NEK5: variants seen among roughly 807,000 people sequenced by gnomAD.
NEK5 encodes the protein serine/threonine-protein kinase Nek5.
A neutral mutation model predicts 109.2 loss-of-function variants in NEK5; 88 were observed. That is an observed-to-expected ratio of 0.81 (90% CI 0.68 to 0.96). The LOEUF (loss-of-function observed/expected upper bound fraction) is 0.96, where lower values mean the gene tolerates loss of function less well. Among genes scored for constraint, NEK5 ranks in the 40% least tolerant of loss-of-function variants. NEK5 has a pLI of 0.00. For synonymous variants in NEK5, 283 were observed against 299.9 expected (o/e 0.94, Z 0.58); for missense variants, 834 against 920.7 (o/e 0.91, Z 1.22).
chr13:52,055,213 A>G (rs547086497), intron 22 of NEK5, among the ~76,000 whole-genome samples: 168 of 152,360 alleles, frequency 1.1e-3, no homozygotes, highest in African/African-American at 3.7e-3. Context: ...TGGAAGATCA[A>G]ATGAATGAAA....
chr13:52,072,357 T>C (rs1192818608), intron 19 of NEK5, among the ~76,000 whole-genome samples: 2 of 152,234 alleles, frequency 1.3e-5, no homozygotes, highest in Non-Finnish European at 2.9e-5. Context: ...TCAGCTCCAT[T>C]CTACAGTGCT....
In NEK5 at chr13:52,082,141, C is replaced by A. The variant is rs925497513; in HGVS notation, c.1572+1119G>T. 2.0e-5 allele frequency: 5 copies of A among 244,826 alleles called. No individual in the cohort carries two copies. In the East Asian group the frequency reaches 7.5e-4, roughly 37 times the overall value. 15.2% of individuals were successfully genotyped at this position (244,826 alleles called of 1,614,324 possible). A position where few individuals can be genotyped will look rare whatever the true frequency, so the allele number is the denominator to read the frequency against. On this transcript the variant is annotated intron_variant, in intron 17 of 23. Coordinates refer to ENST00000684899, the MANE Select transcript of NEK5 (RefSeq NM_001365552.1). ...GACCAGCCTGGCCAACATGGTGAGA[C>A]CCTGTCTCTACTAAAATACAAAAAT...
chr13:52,063,985 C>A (rs1298521090), intron 21 of NEK5, among the ~76,000 whole-genome samples: 4 of 100,070 alleles, frequency 4.0e-5, no homozygotes, highest in South Asian at 3.4e-4. Context: ...CCACCCCGTC[C>A]GGGAGGGAGG....
chr13:52,071,221 TC>T (rs1163063532), intron 20 of NEK5, among the ~76,000 whole-genome samples: 1 of 150,718 alleles, frequency 6.6e-6, no homozygotes, highest in Admixed American at 6.6e-5. Context: ...AAGGGAGGGG[TC>T]CCAGGTTGGG....
chr13:52,072,330 T>C (rs1380725888), intron 19 of NEK5, among the ~76,000 whole-genome samples: 1 of 152,232 alleles, frequency 6.6e-6, no homozygotes, highest in Non-Finnish European at 1.5e-5. Context: ...ACTTTCTGAC[T>C]TCAATAGTAT....
chr13:52,084,760 A>AGTGTGTGTGT (rs1487694445), intron 16 of NEK5, among the ~76,000 whole-genome samples: 25 of 36,658 alleles, frequency 6.8e-4, no homozygotes, highest in African/African-American at 1.5e-3. Flanking sequence ...AGAGAGAGAG[A>AGTGTGTGTGT]GAGTGTGTGT....
Position 52,086,270 on chromosome 13 carries a change from A to G in NEK5, c.1479+7T>C. On this transcript the variant is annotated splice_region_variant and intron_variant, in intron 16 of 23. Coordinates refer to ENST00000684899, the MANE Select transcript of NEK5 (RefSeq NM_001365552.1). The stretch of plus-strand genomic sequence containing the variant: ...GAACAATGTTTCCCCTAGAAGAATG[A>G]ATTTACCTCTGGTTCTCTCCCCATC... The G allele has an allele frequency of 6.4e-7, 1 of 1,555,120 alleles. No homozygotes were observed. Among genetic ancestry groups the G allele is most frequent in the Non-Finnish European group, 8.9e-7 (1 of 1,126,258 alleles).
In NEK5 at chr13:52,093,110, A is replaced by G. The variant is rs768707995; in HGVS notation, c.1152T>C (p.Asn384=). ...KPSYHPIPQE[N]TGVEDYGQET... is the part of the protein sequence containing the mutation. ...CCTGACCGTAATCCTCAACTCCAGT[A>G]TTTTCTTGAGGAATAGGGTGATAAC... The change falls in exon 13 of 24, where the codon AAT becomes AAC. Residue 384 remains asparagine (N), a synonymous_variant. Transcript: ENST00000684899. 3.2e-5 allele frequency: 52 copies of G among 1,613,540 alleles called. No individual in the cohort carries two copies. Among genetic ancestry groups the G allele is most frequent in the Non-Finnish European group, 4.2e-5 (50 of 1,179,652 alleles).
intron 3 of NEK5, among the ~76,000 whole-genome samples, chr13:52,123,769 T>C (rs1956014560): frequency 6.6e-6 from 1 of 151,426 alleles, no homozygotes; most frequent in African/African-American, 2.4e-5. Flanking sequence ...ATAAAAGTTA[T>C]GCAAGTTTAC....
At position 52,061,928 on chromosome 13, in the gene NEK5, GC is replaced by G; in HGVS notation, c.2000del (p.Gly667AlafsTer17). ...GCCACTGTTTCCTGTTTCCTGGAATGCCTTCAATCACAATAACTTGGCCATC... is the reference window on the plus strand; with the variant it reads ...GCCACTGTTTCCTGTTTCCTGGAATGCTTCAATCACAATAACTTGGCCATC... Reference protein sequence around the residue: ...PDNGQVIVIEGIPGNRKQWRH... With the variant: ...PDNGQVIVIEXIPGNRKQWRH... On this transcript the variant is annotated frameshift_variant, in exon 22 of 24. Transcript: ENST00000684899. LOFTEE classifies it high-confidence loss of function. 1.2e-6 allele frequency: 1 copy of G among 859,006 alleles called. No individual in the cohort carries two copies. The allele number at this position is 859,006 out of a possible 1,614,324, so 53.2% of individuals were successfully genotyped here.
In NEK5 at chr13:52,075,621, A is replaced by G; in HGVS notation, c.1722+137T>C. The G allele has an allele frequency of 6.3e-6, 4 of 634,790 alleles. No individual in the cohort carries two copies. In the East Asian group the frequency reaches 1.2e-4, roughly 19 times the overall value. The allele number at this position is 634,790 out of a possible 1,614,324, so 39.3% of individuals were successfully genotyped here. On this transcript the variant is annotated intron_variant, in intron 19 of 23. Transcript: ENST00000684899. ...CAACATATCCAGGTAACAAACCTGC[A>G]CATGTACCACCTGAATCTAAAATAA...
intron 9 of NEK5, among the ~76,000 whole-genome samples, 182 bp from the exon 10 acceptor site, chr13:52,102,474 G>T (rs900009444): frequency 3.9e-5 from 6 of 152,208 alleles, no homozygotes; most frequent in Admixed American, 3.3e-4. Flanking sequence ...GATCACTTGA[G>T]CCCAGGAGTT....
rs1245582426 is a variant in NEK5 at position 52,064,365 on chromosome 13, C to A, written c.1975+1119G>T. Among the ~76,000 whole-genome samples, 487 of 136,548 alleles carry A rather than the reference C, an allele frequency of 3.6e-3. 1 individual carries two copies. The highest frequency in any genetic ancestry group is 0.012 in the African/African-American group (429 of 36,788). The allele number at this position is 136,548 out of a possible 152,430, so 89.6% of individuals were successfully genotyped here. On this transcript the variant is annotated intron_variant, in intron 21 of 23. Coordinates refer to ENST00000684899, the MANE Select transcript of NEK5 (RefSeq NM_001365552.1). ...CCAGGAGGGAGGTGGGGGGGTCAGC[C>A]CCCCCGCCCGGCCAGCCGCCCCGTC...
At chr13:52,102,758 G>A (rs1324306789) in intron 9 of NEK5, among the ~76,000 whole-genome samples, 1 of 152,168 alleles carries the variant, frequency 6.6e-6, no homozygotes, top group Non-Finnish European at 1.5e-5. Flanking sequence ...AATCTTTCAT[G>A]AGCAGATACT....
intron 22 of NEK5, among the ~76,000 whole-genome samples, chr13:52,052,619 G>A (rs1302420669): frequency 6.6e-6 from 1 of 152,114 alleles, no homozygotes; most frequent in East Asian, 1.9e-4. Flanking sequence ...CACTGCCTTC[G>A]AGTTTTGCCT....
chr13:52,127,270 C>T, intron 3 of NEK5, 96 bp downstream of exon 3: 2 of 707,504 alleles, frequency 2.8e-6, no homozygotes, highest in South Asian at 1.8e-5. Flanking sequence ...GCTTAAAATT[C>T]GAAATTATAA....
chr13:52,084,796 T>A (rs1337599102), intron 16 of NEK5, among the ~76,000 whole-genome samples: 18 of 146,910 alleles, frequency 1.2e-4, no homozygotes, highest in African/African-American at 4.6e-4. Context: ...TGTGTGTGTG[T>A]GTGTGTGTGT....
At chr13:52,058,784 C>T (rs1340683374) in intron 22 of NEK5, among the ~76,000 whole-genome samples, 1 of 152,174 alleles carries the variant, frequency 6.6e-6, no homozygotes, top group Non-Finnish European at 1.5e-5. Context: ...CTTCCTTATA[C>T]CTTATACAAA....
Position 52,070,640 on chromosome 13 carries a change from T to G in NEK5, c.1849+1304A>C, listed in dbSNP as rs562404414. ...CATGATTGTGAGGCTTCCCCAGCCA[T>G]GTGGAACTGTAAGTCCAATTAAACC... On this transcript the variant is annotated intron_variant, in intron 20 of 23. Transcript: ENST00000684899. 5.3e-5 allele frequency among the ~76,000 whole-genome samples: 8 copies of G among 152,344 alleles called. No individual in the cohort carries two copies. The East Asian group carries it at 1.5e-3, about 29-fold the overall frequency.
Sources: gnomAD v4.1 joint callset for allele counts (sites outside exome capture counted in the v4.1 genomes callset) on GRCh38, gnomAD v4.1.1 for gene constraint, MANE v1.5 for transcripts, NCBI Gene and HGNC (gene_info 2026-07-23, HGNC 2026-07-21) for gene names.